Variants in GNAS-AS1 observed in about 807,000 individuals in gnomAD.
GNAS-AS1 encodes the protein GNAS antisense RNA 1 (non-protein coding).
chr20:58,819,351 G>A (rs180962558), intron 4 of GNAS-AS1: 6 of 397,750 alleles, frequency 1.5e-5, no homozygotes, highest in Middle Eastern at 6.3e-4. Context: ...ACTCACCTGC[G>A]GCATGATCGC....
chr20:58,846,688 C>T (rs561268216), intron 2 of GNAS-AS1, among the ~76,000 whole-genome samples: 4 of 152,320 alleles, frequency 2.6e-5, no homozygotes, highest in African/African-American at 9.6e-5. Flanking sequence ...CTCCCCTCAA[C>T]CCCATGTGAG....
intron 4 of GNAS-AS1, among the ~76,000 whole-genome samples, chr20:58,830,509 AT>A (rs2085557072): frequency 1.6e-5 from 1 of 63,564 alleles, no homozygotes. Flanking sequence ...CCACACCACC[AT>A]CATCACCACC....
chr20:58,831,652 CA>C (rs2085569450), intron 4 of GNAS-AS1, among the ~76,000 whole-genome samples: 2 of 151,854 alleles, frequency 1.3e-5, no homozygotes, highest in Non-Finnish European at 2.9e-5. Context: ...AAAACAAAAA[CA>C]AAAAAAGATC....
rs568801148 is a variant in GNAS-AS1, at chr20:58,841,486, G to C, written n.819+451C>G. On this transcript the variant is annotated intron_variant and non_coding_transcript_variant, in intron 4 of 4. Transcript: ENST00000424094. The surrounding 1 kb of genome is among the most constrained non-coding windows in gnomAD (Gnocchi z 5.0). The stretch of plus-strand genomic sequence containing the variant: ...GCTCAGAGCCGGAGCCCAGGTCCCA[G>C]AGCTGACAATTAAGCCGCGGGACCT... The C allele has an allele frequency of 3.5e-5, 35 of 991,364 alleles. No individual in the cohort carries two copies. Among genetic ancestry groups the C allele is most frequent in the Non-Finnish European group, 4.1e-5 (34 of 834,150 alleles). 61.4% of individuals were successfully genotyped at this position (991,364 alleles called of 1,614,324 possible).
chr20:58,820,515 C>T (rs1458111267), intron 4 of GNAS-AS1, among the ~76,000 whole-genome samples: 1 of 152,254 alleles, frequency 6.6e-6, no homozygotes, highest in Admixed American at 6.5e-5. Flanking sequence ...TGAACCTTCT[C>T]TACACTGCCA....
At chr20:58,827,662 C>T (rs1600644713) in intron 4 of GNAS-AS1, among the ~76,000 whole-genome samples, 1 of 152,330 alleles carries the variant, frequency 6.6e-6, no homozygotes, top group East Asian at 1.9e-4. Flanking sequence ...GCAAATCCTA[C>T]AGGAATCAGC....
At chr20:58,838,551 AC>A (rs2085627878) in intron 4 of GNAS-AS1, among the ~76,000 whole-genome samples, 1 of 152,048 alleles carries the variant, frequency 6.6e-6, no homozygotes, top group Admixed American at 6.6e-5. Flanking sequence ...TCACTACTCT[AC>A]CTTCAGCACC....
intron 4 of GNAS-AS1, among the ~76,000 whole-genome samples, chr20:58,835,084 TG>T (rs1342992921): frequency 6.6e-6 from 1 of 150,814 alleles, no homozygotes; most frequent in African/African-American, 2.4e-5. Flanking sequence ...TGGTCCTCTC[TG>T]GGGAACAGGC....
At chr20:58,842,980 C>T (rs1453580892) in intron 2 of GNAS-AS1, among the ~76,000 whole-genome samples, 1 of 152,196 alleles carries the variant, frequency 6.6e-6, no homozygotes, top group Non-Finnish European at 1.5e-5. Flanking sequence ...CCACACCTCA[C>T]ACCCATCTTG....
At chr20:58,821,910 C>G (rs879886683) in intron 4 of GNAS-AS1, among the ~76,000 whole-genome samples, 1 of 152,228 alleles carries the variant, frequency 6.6e-6, no homozygotes, top group Non-Finnish European at 1.5e-5. Context: ...CACCTCCTCT[C>G]CTCTTGAAAT....
At chr20:58,831,447 C>A (rs948349222) in intron 4 of GNAS-AS1, among the ~76,000 whole-genome samples, 1 of 152,112 alleles carries the variant, frequency 6.6e-6, no homozygotes, top group African/African-American at 2.4e-5. Flanking sequence ...GAGGCCGAGG[C>A]GGGCAGATCA....
intron 4 of GNAS-AS1, among the ~76,000 whole-genome samples, chr20:58,830,463 A>ATCATCAACACCACCG (rs2145456694): frequency 2.9e-5 from 3 of 104,760 alleles, no homozygotes; most frequent in Non-Finnish European, 5.9e-5. Context: ...CATCACCACC[A>ATCATCAACACCACCG]CCACACCACC....
At chr20:58,848,300 C>A (rs2086015878) in intron 2 of GNAS-AS1, among the ~76,000 whole-genome samples, 1 of 152,248 alleles carries the variant, frequency 6.6e-6, no homozygotes, top group Non-Finnish European at 1.5e-5. Context: ...GCCCTACACT[C>A]CAGCACACAG....
intron 2 of GNAS-AS1, among the ~76,000 whole-genome samples, chr20:58,847,740 T>C (rs1041562633): frequency 6.6e-6 from 1 of 152,188 alleles, no homozygotes; most frequent in Admixed American, 6.5e-5. Flanking sequence ...TCTGTTCCCT[T>C]CCCTTTCACC....
intron 4 of GNAS-AS1, among the ~76,000 whole-genome samples, chr20:58,821,855 C>T (rs866088777): frequency 1.3e-5 from 2 of 152,268 alleles, no homozygotes; most frequent in Middle Eastern, 3.4e-3. Context: ...ACTCAGGGGC[C>T]GCCTGAGGCC....
chr20:58,839,937 G>A (rs2085655690), intron 4 of GNAS-AS1: 1 of 662,572 alleles, frequency 1.5e-6, no homozygotes, highest in Non-Finnish European at 2.6e-6. Context: ...AAGTGGTCAG[G>A]AAGGTAGGTG....
chr20:58,840,469 C>G lies in GNAS-AS1; in HGVS notation n.819+1468G>C, dbSNP rs1568907867. 2 of 1,613,434 alleles carry G rather than the reference C, an allele frequency of 1.2e-6. No homozygotes were observed. The highest frequency in any genetic ancestry group is 2.7e-5 in the African/African-American group (2 of 74,880). On this transcript the variant is annotated intron_variant and non_coding_transcript_variant, in intron 4 of 4. Coordinates refer to ENST00000424094, the Ensembl canonical transcript of GNAS-AS1. This position sits in a 1 kb window ranked among gnomAD's most constrained non-coding sequence, Gnocchi z 6.0. ...GCGAGACCGAGTCCGAAATCGAGTC[C>G]GAGACCGACTTCGAGACCGAGCCTG...
intron 4 of GNAS-AS1, chr20:58,839,513 G>A: frequency 2.5e-6 from 1 of 404,026 alleles, no homozygotes; most frequent in Non-Finnish European, 4.4e-6. Context: ...TGGACCTGGG[G>A]CTAGCTTGCC....
intron 4 of GNAS-AS1, among the ~76,000 whole-genome samples, chr20:58,827,316 C>T (rs1453750005): frequency 2.0e-5 from 3 of 152,202 alleles, no homozygotes; most frequent in Non-Finnish European, 2.9e-5. Context: ...TGCCACAGGT[C>T]TTACTGTCTC....
Sources: gnomAD v4.1 joint callset for allele counts (sites outside exome capture counted in the v4.1 genomes callset) on GRCh38, gnomAD v4.1.1 for gene constraint, Gnocchi (gnomAD v3.1) non-coding constraint, MANE v1.5 for transcripts, NCBI Gene and HGNC (gene_info 2026-07-23, HGNC 2026-07-21) for gene names.